MPP4: variants seen among roughly 807,000 people sequenced by gnomAD.
The protein encoded by MPP4 is MAGUK p55 scaffold protein 4.
A neutral mutation model predicts 98.3 loss-of-function variants in MPP4; 91 were observed. That is an observed-to-expected ratio of 0.93 (90% CI 0.78 to 1.10). The LOEUF is 1.10. Among genes scored for constraint, MPP4 ranks in the 50% least tolerant of loss-of-function variants. The pLI is 0.00. For missense variants in MPP4, 744 were observed against 792.9 expected, an observed-to-expected ratio of 0.94 and a Z score of 0.74; for synonymous variants, 261 against 271.8, an observed-to-expected ratio of 0.96 and a Z score of 0.39.
chr2:201,683,363 G>A (rs1487804161), intron 7 of MPP4, among the ~76,000 whole-genome samples: 2 of 152,196 alleles, frequency 1.3e-5, no homozygotes, highest in East Asian at 3.8e-4. Flanking sequence ...GTTGAGAGAA[G>A]AAGTGGAATG....
chr2:201,698,525 C>G, intron 1 of MPP4, 62 bp downstream of exon 1: 1 of 1,250,172 alleles, frequency 8.0e-7, no homozygotes, highest in Non-Finnish European at 1.1e-6. Context: ...AACTGACAGG[C>G]AAGCTAGGCA....
intron 2 of MPP4, 133 bp downstream of exon 2, chr2:201,693,743 A>G: frequency 9.8e-7 from 1 of 1,024,038 alleles, no homozygotes; most frequent in Admixed American, 1.8e-5. Flanking sequence ...GTAGGGCAGT[A>G]GTGCAACCAA....
intron 10 of MPP4, among the ~76,000 whole-genome samples, chr2:201,677,233 T>C (rs1195927557): frequency 6.6e-6 from 1 of 152,184 alleles, no homozygotes; most frequent in Non-Finnish European, 1.5e-5. Flanking sequence ...TCCTGGTTTT[T>C]CATTCTTACA....
In MPP4 at chr2:201,680,954, C is replaced by G; in HGVS notation, c.813G>C (p.Gln271His). The G allele has an allele frequency of 6.2e-7, 1 of 1,613,942 alleles. No homozygotes were observed. Among genetic ancestry groups the G allele is most frequent in the South Asian group, 1.1e-5 (1 of 91,058 alleles). The change falls in exon 10 of 22, where the codon CAG (glutamine) becomes CAC (histidine). Residue 271 changes from glutamine to histidine, a missense_variant. Coordinates refer to ENST00000409474, the MANE Select transcript of MPP4 (RefSeq NM_033066.3). ...IPCMDAGLPF[Q>H]KGDILQIVDQ... The stretch of plus-strand genomic sequence containing the variant: ...CCACAATCTGGAGGATGTCCCCCTT[C>G]TGGAAAGGCAATCCAGCGTCCATGC...
At chr2:201,692,315 G>A (rs572171345) in intron 3 of MPP4, among the ~76,000 whole-genome samples, 3 of 152,098 alleles carry the variant, frequency 2.0e-5, no homozygotes, top group East Asian at 1.9e-4. Context: ...AAGCTGAGCC[G>A]GACGGATCAC....
At chr2:201,666,638 C>T (rs922212019) in intron 12 of MPP4, 25 of 234,520 alleles carry the variant, frequency 1.1e-4, no homozygotes, top group African/African-American at 5.4e-4. Flanking sequence ...GCAGGAGAAT[C>T]GTTTGAACCC....
intron 4 of MPP4, among the ~76,000 whole-genome samples, chr2:201,689,807 A>G (rs1688953123): frequency 6.6e-6 from 1 of 152,124 alleles, no homozygotes; most frequent in Non-Finnish European, 1.5e-5. Context: ...GTGAACTTGG[A>G]GGAGTCCGTT....
At position 201,693,017 on chromosome 2, in the gene MPP4, A is replaced by G. The variant is rs760535514; in HGVS notation, c.92T>C (p.Ile31Thr). Residue 31 changes from isoleucine (I) to threonine (T), a missense_variant, in exon 3 of 22, where the codon ATC (isoleucine) becomes ACC (threonine). Coordinates refer to ENST00000409474, the MANE Select transcript of MPP4 (RefSeq NM_033066.3). ...CAGCTCTTGCAGCACAAGCCTCAGGATCTGGGAGAGGCCTAGGAAAGGAAG... is the reference window on the plus strand; with the variant it reads ...CAGCTCTTGCAGCACAAGCCTCAGGGTCTGGGAGAGGCCTAGGAAAGGAAG... ...ATNPQNGLSQ[I>T]LRLVLQELSL... 1.9e-6 allele frequency: 3 copies of G among 1,612,430 alleles called. No individual in the cohort carries two copies. The South Asian group carries it at 3.3e-5, about 18-fold the overall frequency.
chr2:201,690,185 G>T lies in MPP4; in HGVS notation c.279+17C>A. The T allele has an allele frequency of 1.3e-6, 2 of 1,573,530 alleles. No individual in the cohort carries two copies. Among genetic ancestry groups the T allele is most frequent in the South Asian group, 1.1e-5 (1 of 87,442 alleles). ...CACATCAGAGCTCTACTATCCTGTGGAATAAAATCTCCTTACCTCATAGGA... is the reference window on the plus strand; with the variant it reads ...CACATCAGAGCTCTACTATCCTGTGTAATAAAATCTCCTTACCTCATAGGA... On this transcript the variant is annotated intron_variant, in intron 4 of 21. Coordinates refer to ENST00000409474, the MANE Select transcript of MPP4 (RefSeq NM_033066.3).
chr2:201,685,046 C>G lies in MPP4; in HGVS notation c.574+18G>C. 6.2e-7 allele frequency: 1 copy of G among 1,606,684 alleles called. No homozygotes were observed. On this transcript the variant is annotated intron_variant, in intron 7 of 21. Coordinates refer to ENST00000409474, the MANE Select transcript of MPP4 (RefSeq NM_033066.3). ...CCTGTTTTTCTGGTAACTCTCAATC[C>G]CAGCTGCTCCAGCTTACCACTTCTC...
intron 13 of MPP4, chr2:201,666,056 C>A: frequency 3.6e-6 from 1 of 278,308 alleles, no homozygotes. Flanking sequence ...AGTGTTCTAC[C>A]ATCGGATATG....
At chr2:201,689,370 G>A (rs960323915) in intron 4 of MPP4, among the ~76,000 whole-genome samples, 4 of 152,128 alleles carry the variant, frequency 2.6e-5, no homozygotes, top group African/African-American at 7.2e-5. Flanking sequence ...TGTTTACTCT[G>A]AGATGGGAAG....
intron 3 of MPP4, among the ~76,000 whole-genome samples, chr2:201,691,093 A>G (rs1391350164): frequency 6.6e-6 from 1 of 152,216 alleles, no homozygotes; most frequent in Non-Finnish European, 1.5e-5. Flanking sequence ...CCTGGAAGTG[A>G]TGAAGGCTGA....
chr2:201,682,986 G>A (rs1455219135), intron 7 of MPP4, 70 bp from the exon 8 acceptor site: 15 of 1,177,734 alleles, frequency 1.3e-5, no homozygotes, highest in East Asian at 7.0e-5. Flanking sequence ...TAGCTACCTC[G>A]ATAGCTATTT....
At chr2:201,664,311 G>A in intron 13 of MPP4, 1 of 1,456,122 alleles carries the variant, frequency 6.9e-7, no homozygotes, top group Non-Finnish European at 9.2e-7. Flanking sequence ...GTTGAGCCAT[G>A]ATGACAGTCA....
intron 11 of MPP4, 87 bp downstream of exon 11, chr2:201,675,120 C>A (rs1688467439): frequency 1.4e-6 from 2 of 1,379,858 alleles, no homozygotes; most frequent in Non-Finnish European, 1.0e-6. Context: ...CATGGCCAGC[C>A]TCACATCAAT....
At chr2:201,682,155 A>T (rs1157793393) in intron 8 of MPP4, among the ~76,000 whole-genome samples, 1 of 152,196 alleles carries the variant, frequency 6.6e-6, no homozygotes, top group African/African-American at 2.4e-5. Flanking sequence ...GGAATTTCAA[A>T]ATCCCACTGT....
intron 7 of MPP4, among the ~76,000 whole-genome samples, chr2:201,684,696 G>A (rs150040745): frequency 6.8e-4 from 104 of 152,232 alleles, no homozygotes; most frequent in African/African-American, 2.3e-3. Flanking sequence ...CACGCCTATA[G>A]TCCCAGCACT....
chr2:201,677,561 T>A (rs926158739), intron 10 of MPP4, among the ~76,000 whole-genome samples: 3 of 152,190 alleles, frequency 2.0e-5, no homozygotes, highest in Non-Finnish European at 4.4e-5. Context: ...GCTACTTGCA[T>A]TCAAATCTGT....
Sources: allele counts gnomAD v4.1 joint callset (sites outside exome capture counted in the v4.1 genomes callset), GRCh38; gene constraint gnomAD v4.1.1; transcripts MANE v1.5; gene names NCBI Gene and HGNC (gene_info 2026-07-23, HGNC 2026-07-21).